CEP192: variants seen among roughly 807,000 people sequenced by gnomAD.
CEP192 encodes centrosomal protein of 192 kDa.
In CEP192, 151 loss-of-function variants were observed where a neutral mutation model predicts 271.8. The ratio of observed to expected loss-of-function variants is 0.56; its 90% confidence interval spans 0.49 to 0.64. CEP192 has a LOEUF of 0.64. CEP192 is among the 30% of genes least tolerant of loss of function. The pLI is 0.00. For synonymous variants in CEP192, 995 were observed against 1,076.5 expected (o/e 0.92, Z 1.48); for missense variants, 2,910 against 3,020.5 (o/e 0.96, Z 0.86).
At chr18:13,080,541 A>T (rs1255989184) in intron 30 of CEP192, among the ~76,000 whole-genome samples, 4 of 152,168 alleles carry the variant, frequency 2.6e-5, no homozygotes, top group East Asian at 1.9e-4. Context: ...TTTTGGGCTG[A>T]GACGATGGGG....
intron 44 of CEP192, among the ~76,000 whole-genome samples, chr18:13,121,491 G>A (rs966320837): frequency 9.2e-5 from 14 of 152,142 alleles, no homozygotes; most frequent in African/African-American, 3.1e-4. Flanking sequence ...AAGGTACAGG[G>A]GTTTTGCTCA....
At chr18:13,099,238 G>A (rs1428313342) in intron 36 of CEP192, among the ~76,000 whole-genome samples, 1 of 151,922 alleles carries the variant, frequency 6.6e-6, no homozygotes, top group Non-Finnish European at 1.5e-5. Context: ...TTTCGCATGA[G>A]TTTTGCCCTT....
At chr18:13,121,254 G>A (rs1484880987) in intron 44 of CEP192, among the ~76,000 whole-genome samples, 1 of 152,188 alleles carries the variant, frequency 6.6e-6, no homozygotes, top group African/African-American at 2.4e-5. Context: ...TTAGATCACT[G>A]TGTGCTCTAT....
At chr18:13,020,325 A>G (rs1362688295) in intron 9 of CEP192, among the ~76,000 whole-genome samples, 3 of 152,210 alleles carry the variant, frequency 2.0e-5, no homozygotes, top group African/African-American at 4.8e-5. Flanking sequence ...AAGTGAAATC[A>G]TACAATATTT....
Position 13,049,563 on chromosome 18 carries a change from T to G in CEP192, c.2772T>G (p.Cys924Trp), listed in dbSNP as rs765727925. The change falls in exon 16 of 45, where the codon TGT (cysteine) becomes TGG (tryptophan). Residue 924 changes from cysteine to tryptophan, a missense_variant. Cys to Trp is a radical substitution (Grantham distance 215). Coordinates refer to ENST00000506447, the MANE Select transcript of CEP192 (RefSeq NM_032142.4). ...CATCCCTTTGTCTGTTAAAAGACTG[T>G]GAAGAAATACGAGATAACAGAGAAA... ...RITSLCLLKD[C>W]EEIRDNRENQ... 7.4e-6 allele frequency: 12 copies of G among 1,613,866 alleles called. No individual in the cohort carries two copies. The highest frequency in any genetic ancestry group is 1.0e-5 in the Non-Finnish European group (12 of 1,180,016).
At chr18:13,069,699 T>C (rs1284709205) in intron 26 of CEP192, 39 bp from the exon 27 acceptor site, 1 of 1,235,532 alleles carries the variant, frequency 8.1e-7, no homozygotes, top group Admixed American at 1.8e-5. Flanking sequence ...TGCGTTTTTG[T>C]AAGTCGGCAT....
chr18:13,040,807 A>G (rs1324856350), intron 13 of CEP192, 23 bp from the exon 14 acceptor site: 3 of 1,553,302 alleles, frequency 1.9e-6, no homozygotes, highest in African/African-American at 2.8e-5. Flanking sequence ...CAAAGAAATA[A>G]TTTACCTTTA....
chr18:13,034,988 A>C (rs573436265), intron 11 of CEP192, among the ~76,000 whole-genome samples: 79 of 152,282 alleles, frequency 5.2e-4, no homozygotes, highest in Middle Eastern at 3.4e-3. Flanking sequence ...TGGCCTCGGA[A>C]GCATTCAGTA....
chr18:13,077,316 A>G (rs544011), intron 30 of CEP192, among the ~76,000 whole-genome samples: 63,438 of 151,934 alleles, frequency 0.42, 13,358 homozygotes, highest in African/African-American at 0.46. Context: ...GAGTGCCAAC[A>G]TGATGCTCAA....
At chr18:13,087,687 A>C in intron 32 of CEP192, 41 bp downstream of exon 32, 1 of 1,024,904 alleles carries the variant, frequency 9.8e-7, no homozygotes, top group Non-Finnish European at 1.4e-6. Context: ...ACCATTCAGC[A>C]GAAATAATGA....
At chr18:13,043,616 C>T (rs997465429) in intron 15 of CEP192, among the ~76,000 whole-genome samples, 2 of 152,110 alleles carry the variant, frequency 1.3e-5, no homozygotes, top group African/African-American at 4.8e-5. Flanking sequence ...GTGTGCTTTA[C>T]AGTCACATGG....
rs566949334 is a variant in CEP192 at position 13,068,129 on chromosome 18, G to A, written c.4650G>A (p.Lys1550=). ...AVAWRCFTFS[K]ESVRAPVEVA... Reference sequence around the variant, plus strand: ...CCTGGCGCTGTTTCACGTTTTCCAAGGAATCCGTCCGAGCTCCTGTGGAAG... The same window carrying A: ...CCTGGCGCTGTTTCACGTTTTCCAAAGAATCCGTCCGAGCTCCTGTGGAAG... The change falls in exon 23 of 45, where the codon AAG becomes AAA. Residue 1550 remains lysine, a synonymous_variant. Coordinates refer to ENST00000506447, the MANE Select transcript of CEP192 (RefSeq NM_032142.4). 6.2e-7 allele frequency: 1 copy of A among 1,614,176 alleles called. No homozygotes were observed. The highest frequency in any genetic ancestry group is 1.3e-5 in the African/African-American group (1 of 75,040).
At chr18:13,041,413 A>G (rs1003969368) in intron 14 of CEP192, among the ~76,000 whole-genome samples, 20 of 152,190 alleles carry the variant, frequency 1.3e-4, no homozygotes, top group African/African-American at 4.3e-4. Flanking sequence ...CTTGTGCTAC[A>G]TATCATATAA....
At chr18:13,107,643 A>G (rs1046857814) in intron 40 of CEP192, among the ~76,000 whole-genome samples, 31 of 152,232 alleles carry the variant, frequency 2.0e-4, no homozygotes, top group Admixed American at 6.5e-5. Flanking sequence ...TTTTCTCTTC[A>G]GCATATGCCC....
intron 14 of CEP192, 113 bp from the exon 15 acceptor site, chr18:13,042,091 G>C: frequency 2.6e-6 from 2 of 758,350 alleles, no homozygotes; most frequent in Non-Finnish European, 4.2e-6. Flanking sequence ...TGACATTTGG[G>C]GTACAAAGAC....
intron 43 of CEP192, 62 bp downstream of exon 43, chr18:13,116,565 C>G: frequency 7.0e-7 from 1 of 1,429,210 alleles, no homozygotes; most frequent in Non-Finnish European, 9.5e-7. Context: ...TGATAACAAA[C>G]ATTTTCCTGA....
At chr18:13,087,311 A>C in intron 31 of CEP192, 34 bp downstream of exon 31, 1 of 1,524,998 alleles carries the variant, frequency 6.6e-7, no homozygotes, top group African/African-American at 1.4e-5. Context: ...AAAAACATCA[A>C]CTCATTTTAA....
chr18:13,053,177 C>T, intron 18 of CEP192, 87 bp downstream of exon 18: 1 of 1,098,618 alleles, frequency 9.1e-7, no homozygotes, highest in Non-Finnish European at 1.3e-6. Context: ...CAGTTCAAGC[C>T]TATATAACTT....
At chr18:13,096,425 C>A in intron 36 of CEP192, 118 bp downstream of exon 36, 1 of 1,346,404 alleles carries the variant, frequency 7.4e-7, no homozygotes, top group East Asian at 2.4e-5. Context: ...CGTGCTGACT[C>A]TGCACAAAGC....
Sources: gnomAD v4.1 joint callset for allele counts (sites outside exome capture counted in the v4.1 genomes callset) on GRCh38, gnomAD v4.1.1 for gene constraint, MANE v1.5 for transcripts, NCBI Gene and HGNC (gene_info 2026-07-23, HGNC 2026-07-21) for gene names.